DPYD: variants seen among roughly 807,000 people sequenced by gnomAD.
DPYD encodes dihydropyrimidine dehydrogenase [NADP(+)].
A neutral mutation model predicts 116.2 loss-of-function variants in DPYD; 109 were observed. The observed-to-expected ratio is 0.94, with a 90% CI of 0.80 to 1.10. The LOEUF is 1.10. DPYD is among the 50% of genes least tolerant of loss of function. The pLI is 0.00. For missense variants in DPYD, 1,302 were observed against 1,254.5 expected (o/e 1.04, Z -0.57); for synonymous variants, 440 against 432.0 (o/e 1.02, Z -0.23).
intron 19 of DPYD, among the ~76,000 whole-genome samples, chr1:97,230,072 T>C (rs571267449): frequency 2.6e-5 from 4 of 152,312 alleles, no homozygotes; most frequent in African/African-American, 9.6e-5. Context: ...CAATAGCTTA[T>C]GATGGGGCCT....
At chr1:97,693,083 G>C (rs1006594374) in intron 6 of DPYD, among the ~76,000 whole-genome samples, 4 of 151,884 alleles carry the variant, frequency 2.6e-5, no homozygotes, top group African/African-American at 4.8e-5. Context: ...GAGGTCAGGA[G>C]ATCAAGACCA....
At chr1:97,224,626 T>G (rs926161051) in intron 19 of DPYD, among the ~76,000 whole-genome samples, 5 of 152,080 alleles carry the variant, frequency 3.3e-5, no homozygotes, top group Admixed American at 6.6e-5. Context: ...CTGACATGAC[T>G]GCAATTTTGT....
At chr1:97,655,449 T>C (rs373653119) in intron 8 of DPYD, among the ~76,000 whole-genome samples, 83 of 152,344 alleles carry the variant, frequency 5.4e-4, no homozygotes, top group African/African-American at 2.0e-3. Flanking sequence ...AGATGCTTTT[T>C]GCAAGTTCCT....
chr1:97,259,458 TC>T (rs1242080236), intron 18 of DPYD, among the ~76,000 whole-genome samples: 2 of 152,008 alleles, frequency 1.3e-5, no homozygotes, highest in Non-Finnish European at 2.9e-5. Context: ...CATTGCAGAC[TC>T]GAACCCCTCC....
chr1:97,835,568 C>G (rs1225791006), intron 2 of DPYD, among the ~76,000 whole-genome samples: 2 of 151,994 alleles, frequency 1.3e-5, no homozygotes, highest in Non-Finnish European at 2.9e-5. Context: ...GCTGATAATT[C>G]ATTCCTATAT....
intron 2 of DPYD, among the ~76,000 whole-genome samples, chr1:97,835,194 G>T (rs2101511182): frequency 6.6e-6 from 1 of 152,046 alleles, no homozygotes; most frequent in Non-Finnish European, 1.5e-5. Flanking sequence ...TTGTTTTTGA[G>T]TTTCATCTCT....
chr1:97,195,630 ATG>A (rs1557929518), intron 19 of DPYD, among the ~76,000 whole-genome samples: 4 of 47,188 alleles, frequency 8.5e-5, no homozygotes, highest in African/African-American at 1.3e-4. Flanking sequence ...GTGTATATGT[ATG>A]TGTATATATA....
intron 3 of DPYD, among the ~76,000 whole-genome samples, chr1:97,744,951 A>T (rs1191475092): frequency 6.6e-6 from 1 of 152,050 alleles, no homozygotes; most frequent in Non-Finnish European, 1.5e-5. Context: ...GACAAGAAAG[A>T]TGGCTGGTAT....
At chr1:97,515,660 A>T in intron 13 of DPYD, 66 bp downstream of exon 13, 1 of 1,415,068 alleles carries the variant, frequency 7.1e-7, no homozygotes, top group South Asian at 1.3e-5. Flanking sequence ...AATCCATTAT[A>T]ATGTTTATAC....
At chr1:97,149,030 C>A (rs1277864630) in intron 20 of DPYD, among the ~76,000 whole-genome samples, 1 of 152,142 alleles carries the variant, frequency 6.6e-6, no homozygotes, top group Non-Finnish European at 1.5e-5. Context: ...TGGAATTAAT[C>A]TCTATTGTAC....
intron 20 of DPYD, among the ~76,000 whole-genome samples, chr1:97,183,762 C>A (rs1657804278): frequency 6.6e-6 from 1 of 151,934 alleles, no homozygotes; most frequent in South Asian, 2.1e-4. Context: ...TTCAGCAGTT[C>A]TTCTTAACTT....
At chr1:97,468,621 C>G (rs1677460921) in intron 13 of DPYD, among the ~76,000 whole-genome samples, 1 of 152,158 alleles carries the variant, frequency 6.6e-6, no homozygotes, top group South Asian at 2.1e-4. Context: ...GTTATAGCAG[C>G]CCAAATGGAC....
intron 14 of DPYD, among the ~76,000 whole-genome samples, chr1:97,413,617 C>T (rs1238427420): frequency 1.3e-5 from 2 of 151,984 alleles, no homozygotes; most frequent in Non-Finnish European, 2.9e-5. Context: ...ACACTACAGG[C>T]CCATGCCACC....
chr1:97,678,973 T>C (rs1660293531), intron 8 of DPYD, 122 bp downstream of exon 8: 1 of 469,228 alleles, frequency 2.1e-6, no homozygotes. Flanking sequence ...TTTCTATCTG[T>C]TATTCCCTGA....
intron 20 of DPYD, among the ~76,000 whole-genome samples, chr1:97,137,748 A>G (rs1423822353): frequency 5.9e-5 from 9 of 152,238 alleles, no homozygotes; most frequent in Admixed American, 2.6e-4. Context: ...TGAAACTACA[A>G]TGGCAAAGCA....
intron 13 of DPYD, among the ~76,000 whole-genome samples, chr1:97,467,780 CA>C (rs1285310349): frequency 6.6e-6 from 1 of 152,130 alleles, no homozygotes; most frequent in Non-Finnish European, 1.5e-5. Flanking sequence ...AAATAGAAAT[CA>C]GAATAAAAGA....
intron 19 of DPYD, among the ~76,000 whole-genome samples, chr1:97,209,134 TGA>T (rs1659872502): frequency 2.6e-5 from 4 of 152,148 alleles, no homozygotes; most frequent in African/African-American, 9.7e-5. Flanking sequence ...TGTTATGCTT[TGA>T]GAGTATAAAC....
chr1:97,526,573 T>C (rs1296553754), intron 12 of DPYD, among the ~76,000 whole-genome samples: 3 of 152,196 alleles, frequency 2.0e-5, no homozygotes, highest in African/African-American at 7.2e-5. Flanking sequence ...AGGTCACTTC[T>C]CCAGTAACAT....
At chr1:97,772,918 A>G (rs1666217200) in intron 3 of DPYD, among the ~76,000 whole-genome samples, 1 of 152,256 alleles carries the variant, frequency 6.6e-6, no homozygotes, top group African/African-American at 2.4e-5. Context: ...TCTCTGATAG[A>G]GCTCTATACA....
Sources: allele counts gnomAD v4.1 joint callset (sites outside exome capture counted in the v4.1 genomes callset), GRCh38; gene constraint gnomAD v4.1.1; transcripts MANE v1.5; gene names NCBI Gene and HGNC (gene_info 2026-07-23, HGNC 2026-07-21).